The following DDX21 variants were observed in gnomAD, a reference collection of about 807,000 sequenced individuals.
DDX21 encodes the protein nucleolar RNA helicase 2.
Under a neutral mutation model 90.0 loss-of-function variants are expected in DDX21, and 18 were observed. The observed-to-expected ratio is 0.20, with a 90% confidence interval of 0.14 to 0.30. The LOEUF (loss-of-function observed/expected upper bound fraction) is 0.30, where lower values mean the gene tolerates loss of function less well. Among genes scored for constraint, DDX21 ranks in the 10% least tolerant of loss-of-function variants. DDX21 has a pLI of 1.00. For synonymous variants in DDX21, 294 were observed against 318.0 expected, an observed-to-expected ratio of 0.92 and a Z score of 0.80; for missense variants, 673 against 944.5, an observed-to-expected ratio of 0.71 and a Z score of 3.77.
chr10:68,962,367 C>A (rs1423941376), intron 3 of DDX21, among the ~76,000 whole-genome samples: 1 of 152,052 alleles, frequency 6.6e-6, no homozygotes, highest in East Asian at 1.9e-4. Context: ...TTTTTCAGGC[C>A]CTCTGTGGTG....
intron 4 of DDX21, among the ~76,000 whole-genome samples, chr10:68,964,664 T>C (rs911850623): frequency 0.02 from 2,942 of 146,728 alleles, 70 homozygotes; most frequent in African/African-American, 0.06. Context: ...ACCTGGACTT[T>C]TTTTTTTTTT....
In DDX21 at chr10:68,960,194, C is replaced by A; in HGVS notation, c.476C>A (p.Pro159Gln). 2.5e-6 allele frequency: 4 copies of A among 1,611,864 alleles called. No homozygotes were observed. The highest frequency in any genetic ancestry group is 3.4e-6 in the Non-Finnish European group (4 of 1,179,470). The change falls in exon 2 of 15, where the codon CCG becomes CAG. Residue 159 changes from proline to glutamine, a missense_variant. By Grantham distance (76) the Pro-to-Gln change is moderately conservative (BLOSUM62 -1). Coordinates refer to ENST00000354185, the MANE Select transcript of DDX21 (RefSeq NM_004728.4). Reference sequence around the variant, plus strand: ...AAGAATGGATTTCCTCATCCTGAACCGGACTGTAACCCCAGTGAAGCTGCC... The same window carrying A: ...AAGAATGGATTTCCTCATCCTGAACAGGACTGTAACCCCAGTGAAGCTGCC... Reference protein sequence around the residue: ...KLKNGFPHPEPDCNPSEAASE... With the variant: ...KLKNGFPHPEQDCNPSEAASE...
Position 68,982,896 on chromosome 10 carries a change from A to G in DDX21, c.*84A>G, listed in dbSNP as rs1843215386. 9.1e-6 allele frequency: 14 copies of G among 1,533,868 alleles called. No homozygotes were observed. Among genetic ancestry groups the G allele is most frequent in the Non-Finnish European group, 1.2e-5 (14 of 1,136,084 alleles). Reference sequence around the variant, plus strand: ...ACATTATTTTTCATGCAAAGTTAAAAGCACATTGTGCCTCCTTTTGACCAC... The same window carrying G: ...ACATTATTTTTCATGCAAAGTTAAAGGCACATTGTGCCTCCTTTTGACCAC... On this transcript the variant is annotated 3_prime_UTR_variant, in exon 15 of 15. Transcript: ENST00000354185.
chr10:68,981,727 CT>C, intron 14 of DDX21, 146 bp downstream of exon 14: 1 of 748,122 alleles, frequency 1.3e-6, no homozygotes, highest in South Asian at 1.9e-5. Context: ...ATATTCCCCC[CT>C]AACTTTTTAA....
chr10:68,958,446 T>A (rs10998502), intron 1 of DDX21, among the ~76,000 whole-genome samples: 57 of 45,008 alleles, frequency 1.3e-3, no homozygotes, highest in African/African-American at 4.1e-3. Context: ...AAAAAAAAAA[T>A]TTTTTTTTTT....
In DDX21 at chr10:68,969,049, A is replaced by G. The variant is rs758655200; in HGVS notation, c.1164A>G (p.Lys388=). 4.2e-5 allele frequency: 67 copies of G among 1,614,166 alleles called. No individual in the cohort carries two copies. Among genetic ancestry groups the G allele is most frequent in the Non-Finnish European group, 5.7e-5 (67 of 1,180,018 alleles). The change falls in exon 7 of 15, where the codon AAA becomes AAG. Residue 388 remains lysine (K), a synonymous_variant. Coordinates refer to ENST00000354185, the MANE Select transcript of DDX21 (RefSeq NM_004728.4). ...ATTGGGTATTTAATGTTGCCAAGAA[A>G]TACATGAAATCTACATATGAACAGG... ...CPHWVFNVAK[K]YMKSTYEQVD... is the part of the protein sequence containing the mutation.
intron 11 of DDX21, among the ~76,000 whole-genome samples, chr10:68,975,011 C>T (rs1388557470): frequency 2.0e-5 from 3 of 152,046 alleles, no homozygotes; most frequent in Non-Finnish European, 2.9e-5. Flanking sequence ...AAAACCAGAC[C>T]GTGCTGAAGT....
chr10:68,974,542 A>C, intron 10 of DDX21, 128 bp from the exon 11 acceptor site: 1 of 702,290 alleles, frequency 1.4e-6, no homozygotes, highest in Non-Finnish European at 2.4e-6. Flanking sequence ...CTGTAAGTCT[A>C]AAATTAAAAG....
In DDX21 at chr10:68,980,952, T is replaced by C. The variant is rs116826357; in HGVS notation, c.2038-585T>C. Among the ~76,000 whole-genome samples, 859 of 151,944 alleles carry C rather than the reference T, an allele frequency of 5.7e-3. 16 individuals carry two copies. The highest frequency in any genetic ancestry group is 0.02 in the African/African-American group (810 of 41,450). ...CTAGGCAGTAGAGCAAGACCCTATC[T>C]TAAGAGGGAAAAAAAAAAGATGGTG... On this transcript the variant is annotated intron_variant, in intron 13 of 14. Coordinates refer to ENST00000354185, the MANE Select transcript of DDX21 (RefSeq NM_004728.4).
intron 7 of DDX21, 44 bp downstream of exon 7, chr10:68,969,165 T>A (rs1363759374): frequency 6.4e-7 from 1 of 1,558,416 alleles, no homozygotes. Flanking sequence ...TTGTATATAT[T>A]TTTTTCTTGT....
rs1843244958 is a variant in DDX21, at chr10:68,984,839, A to G, written c.*2027A>G. On this transcript the variant is annotated 3_prime_UTR_variant, in exon 15 of 15. Coordinates refer to ENST00000354185, the MANE Select transcript of DDX21 (RefSeq NM_004728.4). ...TCCTGGATCCCAGAATTCAACCTGT[A>G]TTTATAAATGTATAATGTATTTAGC... 6.6e-6 allele frequency: 1 copy of G among 152,218 alleles called. No individual in the cohort carries two copies. Among genetic ancestry groups the G allele is most frequent in the Non-Finnish European group, 1.5e-5 (1 of 68,030 alleles). The allele number at this position is 152,218 out of a possible 1,614,324, so 9.4% of individuals were successfully genotyped here.
At chr10:68,956,493 G>A in intron 1 of DDX21, 181 bp downstream of exon 1, 1 of 1,440,932 alleles carries the variant, frequency 6.9e-7, no homozygotes, top group Non-Finnish European at 9.1e-7. Flanking sequence ...CAGTGGACGC[G>A]TCGTTTGCCC....
chr10:68,969,050 T>C lies in DDX21; in HGVS notation c.1165T>C (p.Tyr389His). The part of the protein sequence containing the change: ...PHWVFNVAKK[Y>H]MKSTYEQVDL... ...TTGGGTATTTAATGTTGCCAAGAAA[T>C]ACATGAAATCTACATATGAACAGGT... The change falls in exon 7 of 15, where the codon TAC (tyrosine) becomes CAC (histidine). Residue 389 changes from tyrosine to histidine, a missense_variant. Physicochemically the swap from Tyr to His is moderately conservative, Grantham distance 83. Transcript: ENST00000354185. The C allele has an allele frequency of 1.9e-6, 3 of 1,614,094 alleles. No individual in the cohort carries two copies. Among genetic ancestry groups the C allele is most frequent in the Non-Finnish European group, 2.5e-6 (3 of 1,180,002 alleles).
At position 68,969,097 on chromosome 10, in the gene DDX21, T is replaced by G; in HGVS notation, c.1212T>G (p.Thr404=). The G allele has an allele frequency of 6.2e-7, 1 of 1,612,206 alleles. No individual in the cohort carries two copies. The highest frequency in any genetic ancestry group is 8.5e-7 in the Non-Finnish European group (1 of 1,179,632). Reference sequence around the variant, plus strand: ...AGGTGGACCTGATTGGTAAAAAGACTCAGAAAACGGCAATAACTGTGGAGG... The same window carrying G: ...AGGTGGACCTGATTGGTAAAAAGACGCAGAAAACGGCAATAACTGTGGAGG... ...YEQVDLIGKK[T]QKTAITVEHL... The change falls in exon 7 of 15, where the codon ACT becomes ACG. Residue 404 remains threonine (T), a synonymous_variant. Transcript: ENST00000354185.
In DDX21 at chr10:68,969,023, C is replaced by T; in HGVS notation, c.1138C>T (p.His380Tyr). ...ATTGCTTTTTTCTGCAACTTGCCCT[C>T]ATTGGGTATTTAATGTTGCCAAGAA... ...QTLLFSATCP[H>Y]WVFNVAKKYM... Residue 380 changes from histidine (H) to tyrosine (Y), a missense_variant, in exon 7 of 15, where the codon CAT (histidine) becomes TAT (tyrosine). Physicochemically the swap from His to Tyr is moderately conservative, Grantham distance 83. This residue lies in a region of DDX21 where 218 missense variants were observed against 347.3 expected (regional missense o/e 0.63). Transcript: ENST00000354185. 1 of 1,614,060 alleles carries T rather than the reference C, an allele frequency of 6.2e-7. No homozygotes were observed. The highest frequency in any genetic ancestry group is 8.5e-7 in the Non-Finnish European group (1 of 1,179,998).
chr10:68,971,447 A>G (rs911749151), intron 8 of DDX21, among the ~76,000 whole-genome samples: 1 of 152,046 alleles, frequency 6.6e-6, no homozygotes, highest in East Asian at 1.9e-4. Flanking sequence ...GAGTCTTGCC[A>G]TATTGCCCAG....
intron 4 of DDX21, among the ~76,000 whole-genome samples, chr10:68,964,661 CTTTTTTTTTTT>C (rs370442851): frequency 1.0e-5 from 1 of 100,078 alleles, no homozygotes; most frequent in Non-Finnish European, 1.9e-5. Context: ...TGCACCTGGA[CTTTTTTTTTTT>C]TTTTTTTTTG....
At position 68,972,004 on chromosome 10, in the gene DDX21, G is replaced by A; in HGVS notation, c.1500G>A (p.Gly500=). 4 of 1,614,178 alleles carry A rather than the reference G, an allele frequency of 2.5e-6. No individual in the cohort carries two copies. Among genetic ancestry groups the A allele is most frequent in the Non-Finnish European group, 3.4e-6 (4 of 1,180,030 alleles). The change falls in exon 9 of 15, where the codon GGG becomes GGA. Residue 500 remains glycine (G), a synonymous_variant. Transcript: ENST00000354185. ...VLVATNVAAR[G]LDIPEVDLVI... ...TGGCAACCAATGTTGCTGCACGTGG[G>A]TTAGACATCCCTGAGGTTGATTTGG... is the stretch of plus-strand genomic sequence containing the variant.
At position 68,984,915 on chromosome 10, in the gene DDX21, T is replaced by C. The variant is rs893649110; in HGVS notation, c.*2103T>C. 6.6e-6 allele frequency: 1 copy of C among 152,200 alleles called. No individual in the cohort carries two copies. The highest frequency in any genetic ancestry group is 2.4e-5 in the African/African-American group (1 of 41,444). 9.4% of individuals were successfully genotyped at this position (152,200 alleles called of 1,614,324 possible). A position where few individuals can be genotyped will look rare whatever the true frequency, so the allele number is the denominator to read the frequency against. Reference sequence around the variant, plus strand: ...TGGGTTAGCTTGGTAAATGTTATAATTTTTACTATTTTCTACAAAGAAAAT... The same window carrying C: ...TGGGTTAGCTTGGTAAATGTTATAACTTTTACTATTTTCTACAAAGAAAAT... On this transcript the variant is annotated 3_prime_UTR_variant, in exon 15 of 15. Transcript: ENST00000354185.
Sources: allele counts gnomAD v4.1 joint callset (sites outside exome capture counted in the v4.1 genomes callset), GRCh38; gene constraint gnomAD v4.1.1; regional missense constraint gnomAD v4.1.1; transcripts MANE v1.5; gene names NCBI Gene and HGNC (gene_info 2026-07-23, HGNC 2026-07-21).